TF: variants seen among roughly 807,000 people sequenced by gnomAD.
TF encodes transferrin, also known as serotransferrin.
In TF, 55 loss-of-function variants were observed where a neutral mutation model predicts 82.4. That is an observed-to-expected ratio of 0.67 (90% confidence interval 0.54 to 0.84). The LOEUF (loss-of-function observed/expected upper bound fraction) is 0.84. Among genes scored for constraint, TF ranks in the 40% least tolerant of loss-of-function variants. TF has a pLI of 0.00. For synonymous variants in TF, 332 were observed against 332.6 expected (o/e 1.00, Z 0.02); for missense variants, 737 against 868.4 (o/e 0.85, Z 1.90).
chr3:133,742,040 G>A (rs2107901886), upstream of TF, among the ~76,000 whole-genome samples: 1 of 152,258 alleles, frequency 6.6e-6, no homozygotes, highest in East Asian at 1.9e-4. Flanking sequence ...CTGGAATGCA[G>A]TGTTGTGATC....
In TF at chr3:133,753,643, G is replaced by A. The variant is rs1264879171; in HGVS notation, c.265G>A (p.Ala89Thr). 1 of 1,614,106 alleles carries A rather than the reference G, an allele frequency of 6.2e-7. No individual in the cohort carries two copies. The highest frequency in any genetic ancestry group is 8.5e-7 in the Non-Finnish European group (1 of 1,180,056). Residue 89 changes from alanine to threonine, a missense_variant, in exon 3 of 17, where the codon GCT becomes ACT. Ala to Thr is a moderately conservative substitution (Grantham distance 58). Coordinates refer to ENST00000402696, the MANE Select transcript of TF (RefSeq NM_001063.4). Reference protein sequence around the residue: ...VTLDAGLVYDAYLAPNNLKPV... With the variant: ...VTLDAGLVYDTYLAPNNLKPV... ...ACTGGATGCAGGTTTGGTGTATGAT[G>A]CTTACCTGGCTCCCAATAACCTGAA...
Position 133,756,287 on chromosome 3 carries a change from T to A in TF, c.641T>A (p.Leu214Gln). 1 of 1,614,044 alleles carries A rather than the reference T, an allele frequency of 6.2e-7. No individual in the cohort carries two copies. Among genetic ancestry groups the A allele is most frequent in the Non-Finnish European group, 8.5e-7 (1 of 1,180,002 alleles). ...YFGYSGAFKC[L>Q]KDGAGDVAFV... is the part of the protein sequence containing the mutation. ...GATGTGTTTCTTTGACCCAGGTGTC[T>A]GAAGGATGGTGCTGGGGATGTGGCC... The change falls in exon 6 of 17, where the codon CTG becomes CAG. Residue 214 changes from leucine (L) to glutamine (Q), a missense_variant. Physicochemically the swap from Leu to Gln is moderately radical, Grantham distance 113 (BLOSUM62 -2). Coordinates refer to ENST00000402696, the MANE Select transcript of TF (RefSeq NM_001063.4).
At chr3:133,733,131 A>G in the TF span, among the ~76,000 whole-genome samples, 1 of 152,230 alleles carries the variant, frequency 6.6e-6, no homozygotes, top group Non-Finnish European at 1.5e-5. Flanking sequence ...GGGCCCATTC[A>G]TCTATCAGAA....
At chr3:133,748,223 C>A in intron 1 of TF, 189 bp from the exon 2 acceptor site, 5 of 733,864 alleles carry the variant, frequency 6.8e-6, no homozygotes, top group Admixed American at 2.2e-5. Flanking sequence ...AACTGGGAGG[C>A]CATTAGGGCA....
At chr3:133,756,138 T>C (rs1247813715) in intron 5 of TF, 144 bp from the exon 6 acceptor site, 4 of 756,122 alleles carry the variant, frequency 5.3e-6, no homozygotes, top group Non-Finnish European at 9.1e-6. Flanking sequence ...ACGCTGGAGG[T>C]CTGCACACCA....
chr3:133,699,983 C>G, the TF span: 2 of 178,300 alleles, frequency 1.1e-5, no homozygotes, highest in African/African-American at 2.4e-5. Flanking sequence ...ATCCTGCCCT[C>G]CTGACAACTC....
chr3:133,686,425 G>A, the TF span, among the ~76,000 whole-genome samples: 26 of 152,266 alleles, frequency 1.7e-4, no homozygotes, highest in East Asian at 4.6e-3. Context: ...TACAGAATGG[G>A]AGAAAATTTT....
intron 9 of TF, chr3:133,760,565 T>A (rs1334332959): frequency 3.3e-5 from 5 of 152,236 alleles, no homozygotes; most frequent in Admixed American, 2.6e-4. Flanking sequence ...ATACAATAGA[T>A]AAAGTTTTTT....
At chr3:133,718,356 G>C in the TF span, among the ~76,000 whole-genome samples, 1 of 152,130 alleles carries the variant, frequency 6.6e-6, no homozygotes, top group Non-Finnish European at 1.5e-5. Flanking sequence ...TTTGCTGGGA[G>C]GGAGACCTTC....
At chr3:133,686,519 C>G in the TF span, among the ~76,000 whole-genome samples, 1 of 152,098 alleles carries the variant, frequency 6.6e-6, no homozygotes, top group Non-Finnish European at 1.5e-5. Flanking sequence ...TCAAACAACC[C>G]CATCAAAATG....
At chr3:133,725,801 G>T in the TF span, among the ~76,000 whole-genome samples, 1 of 151,950 alleles carries the variant, frequency 6.6e-6, no homozygotes, top group Non-Finnish European at 1.5e-5. Flanking sequence ...GTTTGTCATA[G>T]ATAGCTCTTA....
At chr3:133,682,618 G>A in the TF span, among the ~76,000 whole-genome samples, 1,153 of 152,266 alleles carry the variant, frequency 7.6e-3, 10 homozygotes, top group African/African-American at 0.026. Context: ...AGTGATTGAA[G>A]ATCAAATGAA....
the TF span, among the ~76,000 whole-genome samples, chr3:133,716,798 A>G: frequency 6.6e-6 from 1 of 152,232 alleles, no homozygotes; most frequent in Admixed American, 6.5e-5. Flanking sequence ...TTGTAATCTA[A>G]GAGGCCTTTG....
chr3:133,755,641 C>T, intron 5 of TF, 146 bp downstream of exon 5: 2 of 1,116,166 alleles, frequency 1.8e-6, no homozygotes, highest in Non-Finnish European at 2.6e-6. Flanking sequence ...AGAAGCACAA[C>T]CTGGGACTCC....
the TF span, among the ~76,000 whole-genome samples, chr3:133,713,589 C>A: frequency 2.6e-5 from 4 of 152,186 alleles, no homozygotes; most frequent in Non-Finnish European, 4.4e-5. Flanking sequence ...TACATCTCCA[C>A]CCCTGGGTGT....
At chr3:133,760,850 T>G (rs1166424699) in intron 9 of TF, 1 of 153,492 alleles carries the variant, frequency 6.5e-6, no homozygotes, top group Non-Finnish European at 1.5e-5. Context: ...AACATTTAGT[T>G]CATAAAATTA....
At chr3:133,684,196 T>C in the TF span, among the ~76,000 whole-genome samples, 1 of 152,186 alleles carries the variant, frequency 6.6e-6, no homozygotes, top group Non-Finnish European at 1.5e-5. Flanking sequence ...GGGACCCATT[T>C]AAAGCAGTGT....
rs41295804 is a variant in TF at position 133,766,581 on chromosome 3, T to C, written c.1486+148T>C. On this transcript the variant is annotated intron_variant, in intron 12 of 16. Transcript: ENST00000402696. ...CAAAGAACAGTAGAATTTGCTGTCC[T>C]CAAGGACATAGCAACAAGGGCTGGA... 1.3e-4 allele frequency: 148 copies of C among 1,101,730 alleles called. No homozygotes were observed. In the African/African-American group the frequency reaches 2.2e-3, roughly 16 times the overall value. 68.2% of individuals were successfully genotyped at this position (1,101,730 alleles called of 1,614,324 possible).
At chr3:133,664,192 A>G in the TF span, among the ~76,000 whole-genome samples, 2 of 152,220 alleles carry the variant, frequency 1.3e-5, no homozygotes, top group African/African-American at 4.8e-5. Context: ...AGTTTGCTTG[A>G]ACAGCAGTCC....
Sources: allele counts gnomAD v4.1 joint callset (sites outside exome capture counted in the v4.1 genomes callset), GRCh38; gene constraint gnomAD v4.1.1; transcripts MANE v1.5; gene names NCBI Gene and HGNC (gene_info 2026-07-23, HGNC 2026-07-21).